PKNOX1: variants seen among roughly 807,000 people sequenced by gnomAD.
PKNOX1 encodes the protein PBX/knotted 1 homeobox 1.
A neutral mutation model predicts 51.9 loss-of-function variants in PKNOX1; 15 were observed. That is an observed-to-expected ratio of 0.29 (90% CI 0.19 to 0.45). PKNOX1 has a LOEUF of 0.45. Among genes scored for constraint, PKNOX1 ranks in the 20% least tolerant of loss-of-function variants. The pLI is 1.00. For missense variants in PKNOX1, 462 were observed against 547.5 expected (o/e 0.84, Z 1.56); for synonymous variants, 219 against 211.1 (o/e 1.04, Z -0.32).
At chr21:42,999,807 G>C (rs980162451) in intron 1 of PKNOX1, among the ~76,000 whole-genome samples, 1 of 152,148 alleles carries the variant, frequency 6.6e-6, no homozygotes, top group East Asian at 1.9e-4. Context: ...ACATTGTCAG[G>C]CTGCAAATTT....
intron 1 of PKNOX1, among the ~76,000 whole-genome samples, chr21:42,974,939 G>C (rs1387751059): frequency 6.9e-6 from 1 of 144,332 alleles, no homozygotes; most frequent in Non-Finnish European, 1.5e-5. Context: ...TCTTAGTGTG[G>C]GTTGAGGGAC....
At chr21:43,005,865 C>T (rs991748152) in intron 2 of PKNOX1, among the ~76,000 whole-genome samples, 1 of 152,178 alleles carries the variant, frequency 6.6e-6, no homozygotes, top group African/African-American at 2.4e-5. Context: ...GCCACCTCCT[C>T]CCAGGCAGCT....
chr21:42,989,979 G>A (rs1370783751), intron 1 of PKNOX1, among the ~76,000 whole-genome samples: 1 of 151,978 alleles, frequency 6.6e-6, no homozygotes, highest in Non-Finnish European at 1.5e-5. Context: ...CATGCCTGTG[G>A]TTCCAGCTAC....
At chr21:43,009,872 A>G (rs1452933651) in intron 3 of PKNOX1, among the ~76,000 whole-genome samples, 181 bp from the exon 4 acceptor site, 1 of 152,166 alleles carries the variant, frequency 6.6e-6, no homozygotes, top group African/African-American at 2.4e-5. Flanking sequence ...TCCAAAGTTG[A>G]CGGCGGCAAT....
chr21:43,028,821 C>G lies in PKNOX1; in HGVS notation c.1046C>G (p.Ser349Cys). The change falls in exon 10 of 11, where the codon TCT (serine) becomes TGT (cysteine). Residue 349 changes from serine to cysteine, a missense_variant. Physicochemically the swap from Ser to Cys is moderately radical, Grantham distance 112. This residue lies in a region of PKNOX1 where 75 missense variants were observed against 129.8 expected (regional missense o/e 0.58). Coordinates refer to ENST00000291547, the MANE Select transcript of PKNOX1 (RefSeq NM_004571.5). ...NRPVQRFWPD[S>C]IASGVAQPPP... Reference sequence around the variant, plus strand: ...CCAGTTCAGAGGTTTTGGCCTGATTCTATTGCATCAGGAGTCGCACAGCCA... The same window carrying G: ...CCAGTTCAGAGGTTTTGGCCTGATTGTATTGCATCAGGAGTCGCACAGCCA... The G allele has an allele frequency of 6.2e-7, 1 of 1,614,134 alleles. No homozygotes were observed. The highest frequency in any genetic ancestry group is 1.6e-4 in the Middle Eastern group (1 of 6,062).
chr21:43,008,870 GA>G (rs1979115641), intron 3 of PKNOX1, among the ~76,000 whole-genome samples: 1 of 152,006 alleles, frequency 6.6e-6, no homozygotes, highest in Non-Finnish European at 1.5e-5. Flanking sequence ...TAACACAAAT[GA>G]AAAAAGTCCA....
intron 1 of PKNOX1, among the ~76,000 whole-genome samples, chr21:42,992,025 C>T (rs2059090489): frequency 1.3e-5 from 2 of 152,340 alleles, no homozygotes; most frequent in South Asian, 4.1e-4. Flanking sequence ...TCACTTTCTT[C>T]AGACCCTGCA....
intron 1 of PKNOX1, among the ~76,000 whole-genome samples, chr21:42,983,276 C>A (rs2059036093): frequency 7.0e-6 from 1 of 142,190 alleles, no homozygotes; most frequent in Admixed American, 7.3e-5. Flanking sequence ...AACTCTATAC[C>A]CATTAAACAC....
chr21:42,978,073 A>G (rs973505305), intron 1 of PKNOX1, among the ~76,000 whole-genome samples: 20 of 150,990 alleles, frequency 1.3e-4, no homozygotes, highest in African/African-American at 4.9e-4. Context: ...TGGTATGATC[A>G]TGGCTCACTG....
intron 1 of PKNOX1, among the ~76,000 whole-genome samples, chr21:43,003,046 G>A (rs775503687): frequency 6.6e-6 from 1 of 152,190 alleles, no homozygotes; most frequent in Non-Finnish European, 1.5e-5. Flanking sequence ...CTCAGGACAG[G>A]ACGGTAGTCC....
intron 1 of PKNOX1, among the ~76,000 whole-genome samples, chr21:42,988,449 G>A (rs982620323): frequency 3.3e-5 from 5 of 152,174 alleles, no homozygotes; most frequent in African/African-American, 1.2e-4. Context: ...TGGGGATTTG[G>A]TGAGCTACTC....
intron 1 of PKNOX1, among the ~76,000 whole-genome samples, chr21:42,983,246 C>G (rs2059035878): frequency 6.6e-6 from 1 of 152,104 alleles, no homozygotes; most frequent in Non-Finnish European, 1.5e-5. Context: ...TCTCCAGAAC[C>G]CTTCATCTTG....
rs1437133990 is a variant in PKNOX1 at position 43,033,465 on chromosome 21, A to G, written c.*3364A>G. Reference sequence around the variant, plus strand: ...TTATATTCGGTCTTTGAAACTGACAATCTTTGAAATGTGAATACTGTAACA... The same window carrying G: ...TTATATTCGGTCTTTGAAACTGACAGTCTTTGAAATGTGAATACTGTAACA... On this transcript the variant is annotated 3_prime_UTR_variant, in exon 11 of 11. Transcript: ENST00000291547. 6.6e-6 allele frequency: 1 copy of G among 152,654 alleles called. No individual in the cohort carries two copies. Among genetic ancestry groups the G allele is most frequent in the Non-Finnish European group, 1.5e-5 (1 of 68,048 alleles). 9.5% of individuals were successfully genotyped at this position (152,654 alleles called of 1,614,324 possible). A position where few individuals can be genotyped will look rare whatever the true frequency, so the allele number is the denominator to read the frequency against.
chr21:42,994,503 G>C (rs1424613504), intron 1 of PKNOX1, among the ~76,000 whole-genome samples: 2 of 149,870 alleles, frequency 1.3e-5, no homozygotes, highest in Non-Finnish European at 3.0e-5. Flanking sequence ...TTAGAGAGAA[G>C]GACTACCAAT....
intron 1 of PKNOX1, among the ~76,000 whole-genome samples, chr21:42,981,408 C>G (rs1436598101): frequency 6.6e-6 from 1 of 152,186 alleles, no homozygotes; most frequent in African/African-American, 2.4e-5. Flanking sequence ...CTGGAAGATT[C>G]ACATAGAAGG....
intron 7 of PKNOX1, among the ~76,000 whole-genome samples, chr21:43,020,748 G>A (rs1016025572): frequency 2.0e-5 from 3 of 152,170 alleles, no homozygotes; most frequent in African/African-American, 7.2e-5. Flanking sequence ...TTTCGGCTAG[G>A]AAGTCACATG....
At chr21:42,995,607 G>C (rs930642306) in intron 1 of PKNOX1, among the ~76,000 whole-genome samples, 5 of 151,290 alleles carry the variant, frequency 3.3e-5, no homozygotes, top group African/African-American at 1.2e-4. Context: ...TAACCTGGGA[G>C]GTTGAGGCTG....
chr21:43,014,246 C>T (rs1431548912), intron 5 of PKNOX1, among the ~76,000 whole-genome samples: 11 of 152,104 alleles, frequency 7.2e-5, no homozygotes, highest in Admixed American at 6.6e-4. Context: ...TGGTCTCGAT[C>T]TCCTGACCTC....
At chr21:43,015,204 C>T (rs996947288) in intron 5 of PKNOX1, among the ~76,000 whole-genome samples, 13 of 152,230 alleles carry the variant, frequency 8.5e-5, no homozygotes, top group Admixed American at 5.2e-4. Context: ...CGCTCACTGT[C>T]GATGATGTTG....
Sources: gnomAD v4.1 joint callset for allele counts (sites outside exome capture counted in the v4.1 genomes callset) on GRCh38, gnomAD v4.1.1 for gene constraint, gnomAD v4.1.1 regional missense constraint, MANE v1.5 for transcripts, NCBI Gene and HGNC (gene_info 2026-07-23, HGNC 2026-07-21) for gene names.